Variants in PTPRD observed in about 807,000 individuals in gnomAD.
PTPRD encodes protein tyrosine phosphatase receptor type D.
In PTPRD, 34 loss-of-function variants were observed where a neutral mutation model predicts 214.5. The observed-to-expected ratio is 0.16, with a 90% CI of 0.12 to 0.21. The LOEUF is 0.21. Among genes scored for constraint, PTPRD ranks in the 10% least tolerant of loss-of-function variants. The pLI, the probability that PTPRD is intolerant of heterozygous loss-of-function variation, is 1.00. For missense variants in PTPRD, 2,545 were observed against 2,398.7 expected (o/e 1.06, Z -1.27); for synonymous variants, 1,128 against 845.7 (o/e 1.33, Z -5.79).
chr9:10,570,861 T>C (rs1390203155), intron 2 of PTPRD, among the ~76,000 whole-genome samples: 1 of 151,986 alleles, frequency 6.6e-6, no homozygotes, highest in Non-Finnish European at 1.5e-5. Context: ...GCACTCCCAG[T>C]TGCAAACAAG....
intron 30 of PTPRD, among the ~76,000 whole-genome samples, chr9:8,479,273 T>C (rs576151335): frequency 6.6e-6 from 1 of 152,326 alleles, no homozygotes; most frequent in Non-Finnish European, 1.5e-5. Context: ...CACTACAAGA[T>C]TTGCTTTTCA....
At chr9:8,768,544 T>G (rs1015343131) in intron 11 of PTPRD, among the ~76,000 whole-genome samples, 2 of 151,992 alleles carry the variant, frequency 1.3e-5, no homozygotes, top group Non-Finnish European at 2.9e-5. Context: ...CAGAGCAAGA[T>G]CCTGTCTCAA....
At chr9:10,598,622 C>T (rs987438263) in intron 2 of PTPRD, among the ~76,000 whole-genome samples, 3 of 149,602 alleles carry the variant, frequency 2.0e-5, no homozygotes, top group African/African-American at 7.4e-5. Context: ...CATTATGGAG[C>T]CTCTTCTTCC....
intron 7 of PTPRD, among the ~76,000 whole-genome samples, chr9:9,669,067 A>T (rs187463962): frequency 1.3e-5 from 2 of 152,282 alleles, no homozygotes; most frequent in Admixed American, 6.5e-5. Context: ...CTTTATTCTA[A>T]AAAAGATTTT....
At chr9:9,520,155 A>ACAGT (rs148462570) in intron 8 of PTPRD, among the ~76,000 whole-genome samples, 43,898 of 151,080 alleles carry the variant, frequency 0.29, 7,704 homozygotes, top group Non-Finnish European at 0.38. Context: ...CTATTTTATG[A>ACAGT]CAGGGTTTCT....
At position 10,031,670 on chromosome 9, in the gene PTPRD, A is replaced by ACG. The variant is rs558240449; in HGVS notation, c.-472+2047_-472+2048insCG. 3.3e-4 allele frequency among the ~76,000 whole-genome samples: 46 copies of ACG among 140,812 alleles called. 1 individual carries two copies. The highest frequency in any genetic ancestry group is 1.2e-3 in the African/African-American group (44 of 35,402). 92.4% of individuals were successfully genotyped at this position (140,812 alleles called of 152,430 possible). ...TATACACACACACACACACACATAC[A>ACG]CACACACACACATATCCTATTAGTT... On this transcript the variant is annotated intron_variant, in intron 4 of 45. Coordinates refer to ENST00000381196, the MANE Select transcript of PTPRD (RefSeq NM_002839.4).
intron 2 of PTPRD, among the ~76,000 whole-genome samples, chr9:10,429,044 A>AATTT (rs1943724122): frequency 1.3e-5 from 2 of 152,052 alleles, no homozygotes; most frequent in Admixed American, 6.6e-5. Context: ...TCATCAAATT[A>AATTT]ATTTTCATCA....
chr9:9,352,413 T>C (rs2051751618), intron 9 of PTPRD, among the ~76,000 whole-genome samples: 1 of 151,332 alleles, frequency 6.6e-6, no homozygotes, highest in Non-Finnish European at 1.5e-5. Flanking sequence ...ATATCTGTTA[T>C]GTTTTCCCAA....
chr9:10,131,751 A>G (rs960229862), intron 3 of PTPRD, among the ~76,000 whole-genome samples: 3 of 152,146 alleles, frequency 2.0e-5, no homozygotes, highest in African/African-American at 4.8e-5. Context: ...GTAGAAAGTC[A>G]TGGAAGATGT....
intron 8 of PTPRD, among the ~76,000 whole-genome samples, chr9:9,551,612 T>C (rs1473748375): frequency 6.6e-6 from 1 of 152,016 alleles, no homozygotes; most frequent in Non-Finnish European, 1.5e-5. Context: ...TTGGCTCCTA[T>C]ATGGTTCTCA....
intron 3 of PTPRD, among the ~76,000 whole-genome samples, chr9:10,037,118 T>C (rs1405942620): frequency 6.6e-6 from 1 of 151,632 alleles, no homozygotes; most frequent in Non-Finnish European, 1.5e-5. Flanking sequence ...CTCGGACTCC[T>C]GGACTCAAGC....
rs117462165 is a variant in PTPRD at position 9,047,129 on chromosome 9, G to A, written c.-142-28394C>T. Among the ~76,000 whole-genome samples, 195 of 151,790 alleles carry A rather than the reference G, an allele frequency of 1.3e-3. 3 individuals carry two copies. The East Asian group carries it at 0.023, about 18-fold the overall frequency. On this transcript the variant is annotated intron_variant, in intron 10 of 45. Coordinates refer to ENST00000381196, the MANE Select transcript of PTPRD (RefSeq NM_002839.4). ...TCTTTATGCCAACAGTGTACAATCT[G>A]AAAAAGAAATAAAAAAATACTGTTT...
intron 3 of PTPRD, among the ~76,000 whole-genome samples, chr9:10,278,802 T>G (rs1195222125): frequency 6.6e-6 from 1 of 151,800 alleles, no homozygotes; most frequent in Non-Finnish European, 1.5e-5. Flanking sequence ...TCAGATGGAG[T>G]CTCGCTCTGT....
chr9:10,506,583 T>G (rs1315986902), intron 2 of PTPRD, among the ~76,000 whole-genome samples: 1 of 152,138 alleles, frequency 6.6e-6, no homozygotes, highest in Non-Finnish European at 1.5e-5. Flanking sequence ...TCATGTACCA[T>G]ATAAATATAC....
rs2099608242 is a variant in PTPRD, at chr9:10,231,193, G to A, written c.-545+109770C>T. Among the ~76,000 whole-genome samples the A allele has an allele frequency of 2.6e-5, 4 of 152,018 alleles. No individual in the cohort carries two copies. The South Asian group carries it at 8.3e-4, about 32-fold the overall frequency. On this transcript the variant is annotated intron_variant, in intron 3 of 45. Transcript: ENST00000381196. ...AAGCGTTCAAGTTTTAATCAAGTGT[G>A]ACATACAAATGTATGCTTTCATGTA...
At chr9:8,829,425 G>C (rs1423554081) in intron 11 of PTPRD, among the ~76,000 whole-genome samples, 1 of 152,102 alleles carries the variant, frequency 6.6e-6, no homozygotes, top group South Asian at 2.1e-4. Context: ...ACAATATACT[G>C]TTCTCGAGAT....
chr9:8,472,093 A>G (rs2096663921), intron 30 of PTPRD, among the ~76,000 whole-genome samples: 1 of 152,198 alleles, frequency 6.6e-6, no homozygotes, highest in African/African-American at 2.4e-5. Context: ...ACAGGCAAAA[A>G]GACAGATCTG....
intron 11 of PTPRD, among the ~76,000 whole-genome samples, chr9:8,877,771 G>A (rs991891911): frequency 7.2e-5 from 11 of 152,182 alleles, no homozygotes; most frequent in East Asian, 3.9e-4. Flanking sequence ...AAAGTTACCA[G>A]AGTCATGATT....
intron 12 of PTPRD, among the ~76,000 whole-genome samples, chr9:8,710,972 G>A (rs1266190030): frequency 6.6e-6 from 1 of 151,916 alleles, no homozygotes; most frequent in Non-Finnish European, 1.5e-5. Context: ...ACTAAGTTTG[G>A]GAAATTAATT....
Sources: gnomAD v4.1 joint callset for allele counts (sites outside exome capture counted in the v4.1 genomes callset) on GRCh38, gnomAD v4.1.1 for gene constraint, MANE v1.5 for transcripts, NCBI Gene and HGNC (gene_info 2026-07-23, HGNC 2026-07-21) for gene names.